PRKCA: variants seen among roughly 807,000 people sequenced by gnomAD.
PRKCA encodes the protein protein kinase C alpha type.
A neutral mutation model predicts 87.0 loss-of-function variants in PRKCA; 27 were observed. The observed-to-expected ratio is 0.31, with a 90% CI of 0.23 to 0.43. The LOEUF (loss-of-function observed/expected upper bound fraction) is 0.43, where lower values mean the gene tolerates loss of function less well. PRKCA is among the 20% of genes least tolerant of loss of function. PRKCA has a pLI of 1.00. For synonymous variants in PRKCA, 329 were observed against 311.1 expected (o/e 1.06, Z -0.61); for missense variants, 518 against 852.3 (o/e 0.61, Z 4.88).
rs1163053186 is a variant in PRKCA, at chr17:66,735,904, T to TTTTC, written c.1230+258_1230+261dup. 4.8e-5 allele frequency among the ~76,000 whole-genome samples: 7 copies of TTTTC among 146,424 alleles called. 1 individual carries two copies. In the South Asian group the frequency reaches 8.8e-4, roughly 18 times the overall value. ...TAATTCGGCAAACATTTCTTTTTCT[T>TTTTC]TTTCTTTCTTTCTTTCTTTTTTTTT... On this transcript the variant is annotated intron_variant, in intron 10 of 16. Coordinates refer to ENST00000413366, the MANE Select transcript of PRKCA (RefSeq NM_002737.3).
At chr17:66,560,142 G>A (rs183124595) in intron 3 of PRKCA, among the ~76,000 whole-genome samples, 104 of 152,274 alleles carry the variant, frequency 6.8e-4, no homozygotes, top group African/African-American at 2.4e-3. Flanking sequence ...GAGAGCTGAT[G>A]GGGGTGTGCT....
intron 2 of PRKCA, among the ~76,000 whole-genome samples, chr17:66,489,498 A>G (rs1916138923): frequency 6.6e-6 from 1 of 151,376 alleles, no homozygotes; most frequent in Admixed American, 6.6e-5. Flanking sequence ...GTTTGGCAGG[A>G]AAGCCAAGCC....
At chr17:66,403,009 T>G (rs1166252860) in intron 2 of PRKCA, among the ~76,000 whole-genome samples, 1 of 152,192 alleles carries the variant, frequency 6.6e-6, no homozygotes, top group African/African-American at 2.4e-5. Flanking sequence ...TTAGTCACAT[T>G]TATTGATTGA....
chr17:66,660,772 GGTGGCGGGCGCC>G (rs1165730507), intron 5 of PRKCA, among the ~76,000 whole-genome samples: 1 of 152,044 alleles, frequency 6.6e-6, no homozygotes, highest in Non-Finnish European at 1.5e-5. Context: ...AGCCGGGTGT[GGTGGCGGGCGCC>G]TGTAGTCCCA....
intron 8 of PRKCA, among the ~76,000 whole-genome samples, chr17:66,715,569 G>A (rs1010824597): frequency 1.3e-5 from 2 of 152,242 alleles, no homozygotes; most frequent in African/African-American, 4.8e-5. Context: ...ACACAGAAAG[G>A]CCTACAACTG....
intron 3 of PRKCA, among the ~76,000 whole-genome samples, chr17:66,594,367 G>A (rs1460313190): frequency 6.6e-6 from 1 of 152,118 alleles, no homozygotes; most frequent in African/African-American, 2.4e-5. Flanking sequence ...CCAACTTTCG[G>A]CCCCTGCTTG....
At chr17:66,428,506 CTTT>C (rs879722559) in intron 2 of PRKCA, among the ~76,000 whole-genome samples, 8 of 140,180 alleles carry the variant, frequency 5.7e-5, no homozygotes, top group Admixed American at 7.1e-5. Flanking sequence ...ATTTTTCTTT[CTTT>C]TTTTTTTTTT....
intron 3 of PRKCA, among the ~76,000 whole-genome samples, chr17:66,587,708 CGT>C (rs1567916844): frequency 1.1e-4 from 12 of 105,574 alleles, no homozygotes; most frequent in Non-Finnish European, 2.0e-4. Context: ...TACATATATA[CGT>C]ATATGTGTGT....
intron 3 of PRKCA, chr17:66,639,313 C>CAGGGT (rs1171022299): frequency 6.6e-6 from 1 of 152,232 alleles, no homozygotes; most frequent in African/African-American, 2.4e-5. Context: ...GAAAGCTAAG[C>CAGGGT]AGGGTCGGGT....
chr17:66,630,681 A>C lies in PRKCA; in HGVS notation c.289-10674A>C, dbSNP rs549187777. Among the ~76,000 whole-genome samples the C allele has an allele frequency of 3.3e-5, 5 of 152,310 alleles. No homozygotes were observed. In the South Asian group the frequency reaches 1.0e-3, roughly 32 times the overall value. ...AGTGAGAAATAAACCTAGGCCAATGAGATTTTGAGGTTGTTTGGTACTGCT... is the reference window on the plus strand; with the variant it reads ...AGTGAGAAATAAACCTAGGCCAATGCGATTTTGAGGTTGTTTGGTACTGCT... On this transcript the variant is annotated intron_variant, in intron 3 of 16. Transcript: ENST00000413366.
chr17:66,426,154 AG>A (rs2143812667), intron 2 of PRKCA, among the ~76,000 whole-genome samples: 2 of 152,286 alleles, frequency 1.3e-5, no homozygotes, highest in South Asian at 4.1e-4. Context: ...AGGAAGCAAG[AG>A]TGAAAGTCTA....
rs560174689 is a variant in PRKCA, at chr17:66,753,623, C to T, written c.1524+10863C>T. Among the ~76,000 whole-genome samples, 415 of 152,196 alleles carry T rather than the reference C, an allele frequency of 2.7e-3. 2 individuals carry two copies. Among genetic ancestry groups the T allele is most frequent in the African/African-American group, 9.2e-3 (383 of 41,526 alleles). On this transcript the variant is annotated intron_variant, in intron 13 of 16. Coordinates refer to ENST00000413366, the MANE Select transcript of PRKCA (RefSeq NM_002737.3). The stretch of plus-strand genomic sequence containing the variant: ...TCCCCACGCCCCCACCCCACAAATC[C>T]GTGTGCTAAAGCCCTAATCTCCAGT...
At chr17:66,338,129 T>C (rs369501645) in intron 2 of PRKCA, among the ~76,000 whole-genome samples, 1 of 149,394 alleles carries the variant, frequency 6.7e-6, no homozygotes, top group African/African-American at 2.6e-5. Flanking sequence ...TGAAAATCTC[T>C]TGGGTAGTGC....
intron 3 of PRKCA, among the ~76,000 whole-genome samples, chr17:66,520,653 T>C (rs1306688624): frequency 2.0e-5 from 3 of 152,158 alleles, no homozygotes; most frequent in Non-Finnish European, 4.4e-5. Flanking sequence ...TAGCAACCAT[T>C]TTTCCCCTAA....
chr17:66,587,933 C>A (rs1455789877), intron 3 of PRKCA, among the ~76,000 whole-genome samples: 6 of 84,676 alleles, frequency 7.1e-5, no homozygotes, highest in Admixed American at 2.5e-4. Flanking sequence ...ATATATATAT[C>A]CTGCAGTAGC....
In PRKCA at chr17:66,787,748, A is replaced by C. The variant is rs377102627; in HGVS notation, c.1713+774A>C. On this transcript the variant is annotated intron_variant, in intron 15 of 16. Transcript: ENST00000413366. ...GATAACCTGCCCCCCAACTTTGGACAGCATGGATTAGTCTTGCCTGTTTTG... is the reference window on the plus strand; with the variant it reads ...GATAACCTGCCCCCCAACTTTGGACCGCATGGATTAGTCTTGCCTGTTTTG... Among the ~76,000 whole-genome samples the C allele has an allele frequency of 7.8e-4, 118 of 152,186 alleles. 5 individuals are homozygous for C. The South Asian group carries it at 0.023, about 29-fold the overall frequency.
At chr17:66,606,062 G>T (rs1442809904) in intron 3 of PRKCA, among the ~76,000 whole-genome samples, 2 of 152,100 alleles carry the variant, frequency 1.3e-5, no homozygotes, top group East Asian at 3.8e-4. Flanking sequence ...GAATTGTCTG[G>T]TATGTGAATT....
At chr17:66,716,644 A>G (rs1973482618) in intron 8 of PRKCA, among the ~76,000 whole-genome samples, 1 of 152,158 alleles carries the variant, frequency 6.6e-6, no homozygotes, top group South Asian at 2.1e-4. Flanking sequence ...TGTGTCAATT[A>G]TCAACAGACA....
chr17:66,659,481 G>A (rs1158275), intron 5 of PRKCA, among the ~76,000 whole-genome samples: 87,281 of 151,970 alleles, frequency 0.57, 25,403 homozygotes, highest in African/African-American at 0.69. Context: ...TTTGAGAGGC[G>A]GAAGCAGAAG....
Sources: allele counts gnomAD v4.1 joint callset (sites outside exome capture counted in the v4.1 genomes callset), GRCh38; gene constraint gnomAD v4.1.1; transcripts MANE v1.5; gene names NCBI Gene and HGNC (gene_info 2026-07-23, HGNC 2026-07-21).